The following NFYB variants were observed in gnomAD, a reference collection of about 807,000 sequenced individuals.
NFYB encodes CAAT box DNA-binding protein subunit B.
Under a neutral mutation model 28.0 loss-of-function variants are expected in NFYB, and 13 were observed. That is an observed-to-expected ratio of 0.46 (90% CI 0.30 to 0.74). The LOEUF is 0.74. Among genes scored for constraint, NFYB ranks in the 30% least tolerant of loss-of-function variants. The pLI, the probability that NFYB is intolerant of heterozygous loss-of-function variation, is 0.07. For missense variants in NFYB, 142 were observed against 247.6 expected (o/e 0.57, Z 2.86); for synonymous variants, 74 against 75.0 (o/e 0.99, Z 0.07).
rs1474800805 is a variant in NFYB at position 104,118,345 on chromosome 12, G to A, written c.*1392C>T. The A allele has an allele frequency of 6.6e-6, 1 of 152,504 alleles. No individual in the cohort carries two copies. The highest frequency in any genetic ancestry group is 1.5e-5 in the Non-Finnish European group (1 of 68,006). 9.4% of individuals were successfully genotyped at this position (152,504 alleles called of 1,614,324 possible). On this transcript the variant is annotated 3_prime_UTR_variant, in exon 8 of 8. Coordinates refer to ENST00000240055, the MANE Select transcript of NFYB (RefSeq NM_006166.4). ...GTTTTTTAAATGGAGAGTAGGAGAT[G>A]AGGACATTATTAACCTCTGATTAGC... is the stretch of plus-strand genomic sequence containing the variant.
At chr12:104,121,452 C>T in intron 5 of NFYB, 131 bp from the exon 6 acceptor site, 1 of 706,582 alleles carries the variant, frequency 1.4e-6, no homozygotes, top group Non-Finnish European at 2.4e-6. Flanking sequence ...ATTAACACTT[C>T]TGGTTAATTA....
intron 7 of NFYB, among the ~76,000 whole-genome samples, 154 bp downstream of exon 7, chr12:104,120,246 G>A (rs1441916519): frequency 2.6e-5 from 4 of 152,014 alleles, no homozygotes; most frequent in Non-Finnish European, 4.4e-5. Flanking sequence ...GTAGAGACAG[G>A]GTTTCACCAT....
At chr12:104,129,404 G>A (rs2030843454) in intron 2 of NFYB, among the ~76,000 whole-genome samples, 1 of 152,024 alleles carries the variant, frequency 6.6e-6, no homozygotes, top group Non-Finnish European at 1.5e-5. Context: ...TCCTGCTTGC[G>A]AACTTTCTTT....
At chr12:104,136,623 G>C (rs542715236) in intron 1 of NFYB, among the ~76,000 whole-genome samples, 2 of 152,098 alleles carry the variant, frequency 1.3e-5, no homozygotes, top group East Asian at 3.9e-4. Context: ...TTAAAACATG[G>C]GAGCTATATT....
intron 4 of NFYB, among the ~76,000 whole-genome samples, chr12:104,124,776 T>C (rs1166829292): frequency 6.6e-6 from 1 of 152,234 alleles, no homozygotes; most frequent in African/African-American, 2.4e-5. Flanking sequence ...GGCTTGTGGC[T>C]ATGGTACTGA....
At position 104,128,466 on chromosome 12, in the gene NFYB, C is replaced by T; in HGVS notation, c.58G>A (p.Asp20Asn). 1 of 1,612,844 alleles carries T rather than the reference C, an allele frequency of 6.2e-7. No homozygotes were observed. The highest frequency in any genetic ancestry group is 8.5e-7 in the Non-Finnish European group (1 of 1,179,218). ...ACATAATGACTTCCTCCAATATAGT[C>T]TGCAGAGATTCCTAGTTGAGAAGCA... The part of the protein sequence containing the change: ...TDASQLGISA[D>N]YIGGSHYVIQ... Residue 20 changes from aspartate to asparagine, a missense_variant, in exon 3 of 8, where the codon GAC becomes AAC. Asp to Asn is a conservative substitution (Grantham distance 23, BLOSUM62 1). Coordinates refer to ENST00000240055, the MANE Select transcript of NFYB (RefSeq NM_006166.4).
chr12:104,133,856 G>T (rs956452029), intron 2 of NFYB, among the ~76,000 whole-genome samples: 1 of 152,076 alleles, frequency 6.6e-6, no homozygotes, highest in Non-Finnish European at 1.5e-5. Flanking sequence ...TAAGCATACA[G>T]AAGTACACAG....
At chr12:104,137,433 A>G (rs1189268820) in intron 1 of NFYB, 2 of 152,208 alleles carry the variant, frequency 1.3e-5, no homozygotes, top group Admixed American at 6.5e-5. Context: ...TTACGCGCAA[A>G]CCAGGCTGCG....
intron 2 of NFYB, among the ~76,000 whole-genome samples, chr12:104,134,706 C>A (rs1019697270): frequency 2.0e-5 from 3 of 152,134 alleles, no homozygotes; most frequent in Admixed American, 1.3e-4. Context: ...TTAACCTAAC[C>A]AAACTTGTTT....
intron 1 of NFYB, chr12:104,137,682 G>A (rs949890955): frequency 1.3e-5 from 2 of 148,974 alleles, no homozygotes; most frequent in African/African-American, 4.9e-5. Context: ...GCGGGCGGGA[G>A]GAGGGCGCCC....
At chr12:104,120,365 A>C (rs982789590) in intron 7 of NFYB, 35 bp downstream of exon 7, 1 of 1,571,934 alleles carries the variant, frequency 6.4e-7, no homozygotes, top group Admixed American at 1.7e-5. Flanking sequence ...GATACAATCA[A>C]ATTTTTTAAG....
Position 104,118,155 on chromosome 12 carries a change from AAT to A in NFYB, c.*1580_*1581del, listed in dbSNP as rs1463408546. On this transcript the variant is annotated 3_prime_UTR_variant, in exon 8 of 8. Transcript: ENST00000240055. ...AAGCAGGTTACAAAATGGTATGCAC[AAT>A]ATGAGCCCATTTTTATAAAAATATA... The A allele has an allele frequency of 6.6e-6, 1 of 152,254 alleles. No individual in the cohort carries two copies. The highest frequency in any genetic ancestry group is 1.5e-5 in the Non-Finnish European group (1 of 68,044). The allele number at this position is 152,254 out of a possible 1,614,324, so 9.4% of individuals were successfully genotyped here.
chr12:104,131,973 C>T, intron 2 of NFYB: 1 of 337,010 alleles, frequency 3.0e-6, no homozygotes, highest in South Asian at 2.3e-5. Context: ...GAGAACAAGA[C>T]TTAACCTCCC....
chr12:104,138,016 G>C (rs1171274507), intron 1 of NFYB, 125 bp downstream of exon 1: 7 of 146,520 alleles, frequency 4.8e-5, no homozygotes, highest in Non-Finnish European at 1.1e-4. Context: ...GGGAGGGCGG[G>C]AGGCTAGTGC....
chr12:104,134,683 G>A (rs1371268467), intron 2 of NFYB, among the ~76,000 whole-genome samples: 1 of 152,096 alleles, frequency 6.6e-6, no homozygotes, highest in Non-Finnish European at 1.5e-5. Flanking sequence ...CTTCACATGA[G>A]CAGATCGCAC....
intron 1 of NFYB, among the ~76,000 whole-genome samples, chr12:104,136,971 A>C (rs1352618645): frequency 6.6e-6 from 1 of 152,254 alleles, no homozygotes; most frequent in African/African-American, 2.4e-5. Context: ...AATGCAGGGA[A>C]GGAATAATTT....
intron 4 of NFYB, 72 bp downstream of exon 4, chr12:104,126,042 C>A: frequency 7.0e-7 from 1 of 1,423,952 alleles, no homozygotes; most frequent in Non-Finnish European, 9.3e-7. Flanking sequence ...CTAACTGTAC[C>A]CATGACCTAT....
chr12:104,125,927 T>C (rs1269500117), intron 4 of NFYB, among the ~76,000 whole-genome samples, 187 bp downstream of exon 4: 1 of 151,682 alleles, frequency 6.6e-6, no homozygotes, highest in Admixed American at 6.6e-5. Context: ...GGAGAACATT[T>C]AGGGACATGA....
chr12:104,127,298 G>A (rs1020170249), intron 3 of NFYB, among the ~76,000 whole-genome samples: 4 of 152,066 alleles, frequency 2.6e-5, no homozygotes, highest in East Asian at 1.9e-4. Context: ...CAGGCCAGGC[G>A]TGGTGGCTCA....
Sources: gnomAD v4.1 joint callset for allele counts (sites outside exome capture counted in the v4.1 genomes callset) on GRCh38, gnomAD v4.1.1 for gene constraint, MANE v1.5 for transcripts, NCBI Gene and HGNC (gene_info 2026-07-23, HGNC 2026-07-21) for gene names.